The following MAGI2 variants were observed in gnomAD, a reference collection of about 807,000 sequenced individuals.
MAGI2 encodes the protein membrane-associated guanylate kinase, WW and PDZ domain-containing protein 2.
In MAGI2, 35 loss-of-function variants were observed where a neutral mutation model predicts 133.3. The ratio of observed to expected loss-of-function variants is 0.26; its 90% CI spans 0.20 to 0.35. The LOEUF (loss-of-function observed/expected upper bound fraction) is 0.35. Ranked by LOEUF, MAGI2 falls within the 10% of genes least tolerant of loss-of-function variation. The pLI is 1.00. For synonymous variants in MAGI2, 729 were observed against 710.6 expected (o/e 1.03, Z -0.41); for missense variants, 1,636 against 1,863.4 (o/e 0.88, Z 2.25).
intron 2 of MAGI2, among the ~76,000 whole-genome samples, chr7:78,801,500 T>C (rs1788049595): frequency 6.6e-6 from 1 of 152,064 alleles, no homozygotes; most frequent in Non-Finnish European, 1.5e-5. Context: ...CTACCAACCA[T>C]CCAAAAGTAT....
chr7:78,773,718 T>A (rs988919785), intron 2 of MAGI2, among the ~76,000 whole-genome samples: 34 of 152,140 alleles, frequency 2.2e-4, no homozygotes, highest in Middle Eastern at 3.2e-3. Context: ...GTCAGTTTTC[T>A]AGGTAAGTAA....
chr7:78,126,187 A>G (rs1820955841), intron 19 of MAGI2, among the ~76,000 whole-genome samples: 1 of 86,820 alleles, frequency 1.2e-5, no homozygotes. Flanking sequence ...CCATAAATAA[A>G]TGTCAGGTGT....
At chr7:78,753,023 A>T (rs1823598271) in intron 2 of MAGI2, among the ~76,000 whole-genome samples, 1 of 152,228 alleles carries the variant, frequency 6.6e-6, no homozygotes, top group South Asian at 2.1e-4. Context: ...ACCACCTGCT[A>T]AAACAAAAAA....
chr7:78,809,895 A>C (rs1454598932), intron 2 of MAGI2, among the ~76,000 whole-genome samples: 2 of 152,196 alleles, frequency 1.3e-5, no homozygotes, highest in Non-Finnish European at 2.9e-5. Context: ...AGATTTTGGA[A>C]ATGGAACTAT....
chr7:78,639,862 G>A lies in MAGI2; in HGVS notation c.419-12623C>T, dbSNP rs6945031. ...AAGAAACTTAGGAAAAAAGAGAAAA[G>A]TGACTTGTTCAAATCAAATAATCAG... On this transcript the variant is annotated intron_variant, in intron 2 of 21. Coordinates refer to ENST00000354212, the MANE Select transcript of MAGI2 (RefSeq NM_012301.4). Among the ~76,000 whole-genome samples the A allele has an allele frequency of 5.1e-3, 770 of 152,222 alleles. 9 individuals carry two copies. Among genetic ancestry groups the A allele is most frequent in the African/African-American group, 0.018 (738 of 41,516 alleles).
chr7:78,106,266 C>T (rs891621199), intron 20 of MAGI2, among the ~76,000 whole-genome samples: 1 of 152,058 alleles, frequency 6.6e-6, no homozygotes, highest in African/African-American at 2.4e-5. Context: ...CATTGACGGA[C>T]ACTTAAGGTT....
At chr7:78,402,376 G>A (rs984064556) in intron 6 of MAGI2, among the ~76,000 whole-genome samples, 13 of 150,336 alleles carry the variant, frequency 8.6e-5, no homozygotes, top group Non-Finnish European at 1.8e-4. Flanking sequence ...TATCCACCTG[G>A]GGTGTGTGTG....
chr7:78,209,615 G>A (rs1286391508), intron 10 of MAGI2, among the ~76,000 whole-genome samples: 1 of 151,732 alleles, frequency 6.6e-6, no homozygotes, highest in Admixed American at 6.6e-5. Flanking sequence ...CCAAATTTCC[G>A]TCTTTTCTGT....
chr7:79,344,282 A>C (rs980495941), intron 1 of MAGI2, among the ~76,000 whole-genome samples: 1 of 152,184 alleles, frequency 6.6e-6, no homozygotes, highest in Admixed American at 6.6e-5. Flanking sequence ...CCAGTATTAC[A>C]CTATGAATAA....
At chr7:78,673,666 G>C (rs1814659883) in intron 2 of MAGI2, among the ~76,000 whole-genome samples, 1 of 152,012 alleles carries the variant, frequency 6.6e-6, no homozygotes. Context: ...TCAACTGATT[G>C]GCTGAGACCC....
chr7:79,341,651 T>C (rs1337753603), intron 1 of MAGI2, among the ~76,000 whole-genome samples: 1 of 152,200 alleles, frequency 6.6e-6, no homozygotes, highest in Non-Finnish European at 1.5e-5. Flanking sequence ...TGCGCAGTTA[T>C]CTGCAGTGGC....
At chr7:78,703,286 T>C (rs532747311) in intron 2 of MAGI2, among the ~76,000 whole-genome samples, 27 of 152,074 alleles carry the variant, frequency 1.8e-4, no homozygotes, top group Non-Finnish European at 3.2e-4. Context: ...GTTTTGAATA[T>C]GTTACCATTT....
intron 2 of MAGI2, among the ~76,000 whole-genome samples, chr7:78,794,353 A>C (rs1583915575): frequency 1.3e-5 from 2 of 152,266 alleles, no homozygotes; most frequent in South Asian, 4.1e-4. Flanking sequence ...GATGCTTAAG[A>C]AAGAGGAATT....
intron 2 of MAGI2, among the ~76,000 whole-genome samples, chr7:78,799,554 G>A (rs1012340315): frequency 6.6e-6 from 1 of 152,140 alleles, no homozygotes; most frequent in African/African-American, 2.4e-5. Flanking sequence ...TGTGGCCAAG[G>A]ATATAGATTT....
intron 2 of MAGI2, among the ~76,000 whole-genome samples, chr7:79,002,335 G>A (rs910358000): frequency 1.3e-5 from 2 of 151,530 alleles, no homozygotes; most frequent in African/African-American, 2.4e-5. Context: ...AAGGGGTCTT[G>A]TAGAGATGGG....
chr7:78,204,921 A>C (rs1211974874), intron 10 of MAGI2, among the ~76,000 whole-genome samples: 1 of 152,196 alleles, frequency 6.6e-6, no homozygotes, highest in Non-Finnish European at 1.5e-5. Flanking sequence ...AACTGATTAC[A>C]CCTGTAAAAT....
At chr7:78,319,850 T>C (rs1787816270) in intron 9 of MAGI2, among the ~76,000 whole-genome samples, 1 of 152,094 alleles carries the variant, frequency 6.6e-6, no homozygotes, top group African/African-American at 2.4e-5. Flanking sequence ...GCTGGATTTT[T>C]GAAAAGATCA....
chr7:79,279,481 C>T (rs1012816421), intron 1 of MAGI2, among the ~76,000 whole-genome samples: 1 of 152,164 alleles, frequency 6.6e-6, no homozygotes, highest in Non-Finnish European at 1.5e-5. Context: ...CCAAGCCACC[C>T]TTCCTCTGAA....
intron 20 of MAGI2, among the ~76,000 whole-genome samples, chr7:78,083,387 G>GGGGGGAGAGAGAGAGAGAGA (rs1816229903): frequency 3.0e-5 from 1 of 33,298 alleles, no homozygotes; most frequent in Non-Finnish European, 5.2e-5. Context: ...AGGGAGGGGG[G>GGGGGGAGAGAGAGAGAGAGA]GAGAGAGAGA....
Sources: gnomAD v4.1 joint callset for allele counts (sites outside exome capture counted in the v4.1 genomes callset) on GRCh38, gnomAD v4.1.1 for gene constraint, MANE v1.5 for transcripts, NCBI Gene and HGNC (gene_info 2026-07-23, HGNC 2026-07-21) for gene names.